KIF16B: variants seen among roughly 807,000 people sequenced by gnomAD.
KIF16B encodes kinesin family member 16B, also known as kinesin-like protein KIF16B.
A neutral mutation model predicts 156.3 loss-of-function variants in KIF16B; 98 were observed. The ratio of observed to expected loss-of-function variants is 0.63; its 90% CI spans 0.53 to 0.74. The LOEUF (loss-of-function observed/expected upper bound fraction) is 0.74, where lower values mean the gene tolerates loss of function less well. Among genes scored for constraint, KIF16B ranks in the 30% least tolerant of loss-of-function variants. The pLI is 0.00. For synonymous variants in KIF16B, 564 were observed against 583.7 expected, an observed-to-expected ratio of 0.97 and a Z score of 0.49; for missense variants, 1,421 against 1,606.5, an observed-to-expected ratio of 0.88 and a Z score of 1.97.
intron 16 of KIF16B, 76 bp from the exon 17 acceptor site, chr20:16,404,977 A>G: frequency 1.0e-6 from 1 of 1,000,304 alleles, no homozygotes; most frequent in Non-Finnish European, 1.6e-6. Context: ...ATTGCTTCCA[A>G]CATGTGAGAG....
chr20:16,477,041 C>T (rs879530060), intron 12 of KIF16B, among the ~76,000 whole-genome samples: 5 of 152,100 alleles, frequency 3.3e-5, no homozygotes, highest in East Asian at 1.9e-4. Flanking sequence ...GCCACTGCGC[C>T]GGGCCTGGAT....
chr20:16,336,026 G>A lies in KIF16B; in HGVS notation c.3622-11C>T. 1.3e-6 allele frequency: 2 copies of A among 1,527,406 alleles called. No homozygotes were observed. The highest frequency in any genetic ancestry group is 8.9e-7 in the Non-Finnish European group (1 of 1,122,082). 94.6% of individuals were successfully genotyped at this position (1,527,406 alleles called of 1,614,324 possible). On this transcript the variant is annotated splice_polypyrimidine_tract_variant and intron_variant, in intron 23 of 25. Transcript: ENST00000354981. ...ATCTAGGACAGTAATCTATTAACCA[G>A]GAAAACCAAAATGAATAAGCATTAA... is the stretch of plus-strand genomic sequence containing the variant.
chr20:16,435,514 C>G (rs1182255814), intron 12 of KIF16B, among the ~76,000 whole-genome samples: 2 of 152,190 alleles, frequency 1.3e-5, no homozygotes, highest in East Asian at 1.9e-4. Flanking sequence ...ATCCTCTACT[C>G]TATATTTTCC....
intron 24 of KIF16B, among the ~76,000 whole-genome samples, chr20:16,332,364 T>C (rs1304241430): frequency 2.6e-5 from 4 of 152,114 alleles, no homozygotes; most frequent in Non-Finnish European, 4.4e-5. Flanking sequence ...CTTGTAAGTG[T>C]TGGAGTTATG....
At position 16,537,704 on chromosome 20, in the gene KIF16B, GT is replaced by G. The variant is rs1171475559; in HGVS notation, c.48-9265del. On this transcript the variant is annotated intron_variant, in intron 1 of 25. Transcript: ENST00000354981. ...TTCTTTTTCTTTTTTTCTTTTTTTC[GT>G]TTTTTTTTTTTTTTTTTGAGACAGG... Among the ~76,000 whole-genome samples the G allele has an allele frequency of 5.1e-3, 515 of 101,526 alleles. 4 individuals carry two copies. The highest frequency in any genetic ancestry group is 0.014 in the African/African-American group (370 of 26,280). 66.6% of individuals were successfully genotyped at this position (101,526 alleles called of 152,430 possible). A position where few individuals can be genotyped will look rare whatever the true frequency, so the allele number is the denominator to read the frequency against.
rs115579712 is a variant in KIF16B at position 16,508,386 on chromosome 20, T to C, written c.557-286A>G. ...CACGTGATCATGTGTACCTACCACA[T>C]AGGGCCACGGTCCCCAACTTTTTCA... is the stretch of plus-strand genomic sequence containing the variant. On this transcript the variant is annotated intron_variant, in intron 6 of 25. Coordinates refer to ENST00000354981, the MANE Select transcript of KIF16B (RefSeq NM_024704.5). 6.8e-3 allele frequency among the ~76,000 whole-genome samples: 1,028 copies of C among 152,284 alleles called. 20 individuals are homozygous for C. Among genetic ancestry groups the C allele is most frequent in the African/African-American group, 0.024 (990 of 41,564 alleles).
At chr20:16,571,783 C>T (rs2071463872) in intron 1 of KIF16B, among the ~76,000 whole-genome samples, 1 of 152,078 alleles carries the variant, frequency 6.6e-6, no homozygotes, top group African/African-American at 2.4e-5. Flanking sequence ...GCGTCCACCA[C>T]CACGCCCGGC....
chr20:16,397,505 T>C (rs1302196659), intron 17 of KIF16B, among the ~76,000 whole-genome samples: 1 of 152,180 alleles, frequency 6.6e-6, no homozygotes, highest in African/African-American at 2.4e-5. Flanking sequence ...GACCACAGGG[T>C]ATTTTTTAGA....
At chr20:16,413,798 A>T (rs2066018222) in intron 15 of KIF16B, among the ~76,000 whole-genome samples, 1 of 150,704 alleles carries the variant, frequency 6.6e-6, no homozygotes, top group Non-Finnish European at 1.5e-5. Flanking sequence ...TCAGTGGAAG[A>T]AAGGTTATCA....
intron 12 of KIF16B, among the ~76,000 whole-genome samples, chr20:16,434,624 C>CA (rs1223220723): frequency 6.6e-6 from 1 of 152,132 alleles, no homozygotes; most frequent in Non-Finnish European, 1.5e-5. Flanking sequence ...ATAAGAATTG[C>CA]GTGTCTTCAC....
intron 12 of KIF16B, among the ~76,000 whole-genome samples, chr20:16,444,800 C>T (rs1025208088): frequency 2.0e-5 from 3 of 152,172 alleles, no homozygotes; most frequent in Non-Finnish European, 2.9e-5. Context: ...AGATGAAAAA[C>T]GCTGCACATA....
At chr20:16,337,420 T>C (rs948920285) in intron 23 of KIF16B, among the ~76,000 whole-genome samples, 5 of 152,180 alleles carry the variant, frequency 3.3e-5, no homozygotes, top group African/African-American at 1.2e-4. Context: ...TGATCTAGGG[T>C]GTATGAGGAT....
At chr20:16,285,801 G>A (rs1385616048) in intron 25 of KIF16B, among the ~76,000 whole-genome samples, 1 of 152,152 alleles carries the variant, frequency 6.6e-6, no homozygotes, top group East Asian at 1.9e-4. Flanking sequence ...CTGGGTGAGA[G>A]TGAGACCCTG....
chr20:16,492,686 A>G (rs1487180198), intron 12 of KIF16B, among the ~76,000 whole-genome samples: 1 of 152,116 alleles, frequency 6.6e-6, no homozygotes, highest in Non-Finnish European at 1.5e-5. Flanking sequence ...GCCCTACTAC[A>G]TTGACATGGA....
intron 1 of KIF16B, among the ~76,000 whole-genome samples, chr20:16,540,508 A>T (rs2070155341): frequency 6.6e-6 from 1 of 152,036 alleles, no homozygotes; most frequent in Non-Finnish European, 1.5e-5. Context: ...AAAGCTACTG[A>T]CCCTCTTCTC....
intron 23 of KIF16B, among the ~76,000 whole-genome samples, chr20:16,355,192 T>G (rs969198147): frequency 5.9e-5 from 9 of 152,136 alleles, no homozygotes; most frequent in Non-Finnish European, 1.3e-4. Flanking sequence ...CTGAGATGCA[T>G]CAGGGGTGGG....
chr20:16,444,328 G>A (rs1477073209), intron 12 of KIF16B, among the ~76,000 whole-genome samples: 5 of 151,992 alleles, frequency 3.3e-5, no homozygotes, highest in Admixed American at 6.5e-5. Flanking sequence ...GCCTGTTTTT[G>A]TATGGCTGGA....
intron 25 of KIF16B, among the ~76,000 whole-genome samples, chr20:16,276,344 AC>A (rs1433068301): frequency 2.0e-5 from 3 of 152,242 alleles, no homozygotes; most frequent in Admixed American, 2.0e-4. Context: ...CAAGAGCACC[AC>A]CATAAGAAGA....
At chr20:16,281,124 C>T (rs1469116116) in intron 25 of KIF16B, among the ~76,000 whole-genome samples, 1 of 152,098 alleles carries the variant, frequency 6.6e-6, no homozygotes, top group Non-Finnish European at 1.5e-5. Context: ...TTGTGAGGTC[C>T]TCTTTATTTT....
Sources: allele counts gnomAD v4.1 joint callset (sites outside exome capture counted in the v4.1 genomes callset), GRCh38; gene constraint gnomAD v4.1.1; transcripts MANE v1.5; gene names NCBI Gene and HGNC (gene_info 2026-07-23, HGNC 2026-07-21).